Variants in KANSL1L observed in about 807,000 individuals in gnomAD.
KANSL1L encodes KAT8 regulatory NSL complex subunit 1 like.
In KANSL1L, 25 loss-of-function variants were observed where a neutral mutation model predicts 108.6. The ratio of observed to expected loss-of-function variants is 0.23; its 90% CI spans 0.17 to 0.32. The LOEUF is 0.32. KANSL1L is among the 10% of genes least tolerant of loss of function. The pLI is 1.00. For synonymous variants in KANSL1L, 405 were observed against 395.1 expected, an observed-to-expected ratio of 1.03 and a Z score of -0.30; for missense variants, 1,137 against 1,125.7, an observed-to-expected ratio of 1.01 and a Z score of -0.14.
chr2:210,101,173 G>A (rs548583225), intron 4 of KANSL1L, among the ~76,000 whole-genome samples: 1 of 152,250 alleles, frequency 6.6e-6, no homozygotes, highest in African/African-American at 2.4e-5. Context: ...TCAGCAATGA[G>A]ACCTAAAATG....
intron 2 of KANSL1L, among the ~76,000 whole-genome samples, chr2:210,140,890 T>C (rs1045194841): frequency 5.3e-5 from 8 of 152,150 alleles, no homozygotes; most frequent in Non-Finnish European, 7.3e-5. Flanking sequence ...ATGTTAGCAT[T>C]TTAAGTAGGA....
intron 2 of KANSL1L, among the ~76,000 whole-genome samples, chr2:210,136,520 G>T (rs1464966947): frequency 6.6e-6 from 1 of 152,132 alleles, no homozygotes; most frequent in Non-Finnish European, 1.5e-5. Flanking sequence ...ATTTGCTAAA[G>T]AAACAATTTC....
At chr2:210,023,872 T>C (rs1383818592) in intron 14 of KANSL1L, among the ~76,000 whole-genome samples, 161 bp downstream of exon 14, 1 of 152,226 alleles carries the variant, frequency 6.6e-6, no homozygotes, top group Non-Finnish European at 1.5e-5. Flanking sequence ...GTGATTATAG[T>C]TAGTAGTGGA....
chr2:210,165,879 G>A (rs1482374515), intron 1 of KANSL1L, among the ~76,000 whole-genome samples: 2 of 152,154 alleles, frequency 1.3e-5, no homozygotes, highest in Non-Finnish European at 2.9e-5. Context: ...GTACAGTAAG[G>A]TAAGATATTT....
rs182602241 is a variant in KANSL1L at position 210,078,298 on chromosome 2, G to A, written c.1551-2542C>T. Among the ~76,000 whole-genome samples, 72 of 152,140 alleles carry A rather than the reference G, an allele frequency of 4.7e-4. 1 individual carries two copies. The highest frequency in any genetic ancestry group is 1.6e-3 in the African/African-American group (68 of 41,526). ...ACTGTTGTATATGTGGTCCTTCGTT[G>A]ACTAGAAACATCATTATGTGGTGCA... On this transcript the variant is annotated intron_variant, in intron 5 of 14. Transcript: ENST00000281772.
At chr2:210,106,417 C>G (rs2125442766) in intron 3 of KANSL1L, among the ~76,000 whole-genome samples, 1 of 152,192 alleles carries the variant, frequency 6.6e-6, no homozygotes, top group South Asian at 2.1e-4. Context: ...AGAATACTAC[C>G]TTTCTATAAG....
At chr2:210,131,670 A>T (rs1380751698) in intron 2 of KANSL1L, among the ~76,000 whole-genome samples, 1 of 152,086 alleles carries the variant, frequency 6.6e-6, no homozygotes, top group African/African-American at 2.4e-5. Flanking sequence ...AAGTAAACCA[A>T]ATCGCATCGG....
At chr2:210,115,879 A>G (rs2094948961) in intron 3 of KANSL1L, among the ~76,000 whole-genome samples, 1 of 152,246 alleles carries the variant, frequency 6.6e-6, no homozygotes, top group South Asian at 2.1e-4. Flanking sequence ...ACGGCTGAAT[A>G]GAAGCCTCCA....
intron 11 of KANSL1L, 65 bp from the exon 12 acceptor site, chr2:210,027,415 A>G: frequency 9.7e-7 from 1 of 1,036,192 alleles, no homozygotes. Flanking sequence ...TTTTATACTC[A>G]GCACAGCTAA....
At chr2:210,104,022 C>T (rs1372810395) in intron 4 of KANSL1L, 82 bp downstream of exon 4, 2 of 1,063,844 alleles carry the variant, frequency 1.9e-6, no homozygotes, top group Non-Finnish European at 2.9e-6. Context: ...GGAAGATACA[C>T]ATATAATGAT....
In KANSL1L at chr2:210,082,791, A is replaced by G. The variant is rs544556242; in HGVS notation, c.1551-7035T>C. Among the ~76,000 whole-genome samples, 40 of 152,304 alleles carry G rather than the reference A, an allele frequency of 2.6e-4. No homozygotes were observed. In the South Asian group the frequency reaches 8.3e-3, roughly 32 times the overall value. On this transcript the variant is annotated intron_variant, in intron 5 of 14. Coordinates refer to ENST00000281772, the MANE Select transcript of KANSL1L (RefSeq NM_152519.4). ...CACCATTCTCAAATTAAACTACTTAAGTAAAAGTAGAAATAAACTCTGAAG... is the reference window on the plus strand; with the variant it reads ...CACCATTCTCAAATTAAACTACTTAGGTAAAAGTAGAAATAAACTCTGAAG...
At chr2:210,027,207 A>T (rs2093950208) in intron 12 of KANSL1L, 89 bp downstream of exon 12, 1 of 845,118 alleles carries the variant, frequency 1.2e-6, no homozygotes, top group African/African-American at 1.7e-5. Context: ...TAAAGGGCTT[A>T]TATATTCCTT....
intron 1 of KANSL1L, among the ~76,000 whole-genome samples, chr2:210,165,087 G>A (rs1427033828): frequency 2.7e-5 from 4 of 150,480 alleles, no homozygotes; most frequent in African/African-American, 7.3e-5. Flanking sequence ...GGCTGGTCTC[G>A]AACTCCTGAC....
chr2:210,091,652 T>C (rs1231828395), intron 5 of KANSL1L, among the ~76,000 whole-genome samples: 3 of 152,216 alleles, frequency 2.0e-5, no homozygotes, highest in African/African-American at 4.8e-5. Context: ...CAGTGCAATC[T>C]GAATCGATTT....
At chr2:210,082,482 T>C (rs1452322151) in intron 5 of KANSL1L, among the ~76,000 whole-genome samples, 1 of 152,214 alleles carries the variant, frequency 6.6e-6, no homozygotes, top group African/African-American at 2.4e-5. Context: ...TTACTCATAG[T>C]AAGAAGGTCA....
chr2:210,100,360 A>G (rs538244317), intron 4 of KANSL1L, among the ~76,000 whole-genome samples: 1 of 152,336 alleles, frequency 6.6e-6, no homozygotes, highest in South Asian at 2.1e-4. Context: ...CTAAAGTACT[A>G]AAAACAAGGT....
chr2:210,163,261 A>C (rs1160383007), intron 1 of KANSL1L, among the ~76,000 whole-genome samples: 1 of 152,212 alleles, frequency 6.6e-6, no homozygotes, highest in East Asian at 1.9e-4. Flanking sequence ...TAATGGAAAA[A>C]ACAGACAACA....
chr2:210,091,111 G>C (rs888264533), intron 5 of KANSL1L, among the ~76,000 whole-genome samples: 3 of 152,108 alleles, frequency 2.0e-5, no homozygotes, highest in African/African-American at 7.2e-5. Context: ...AGATTTGACA[G>C]ATAAAGGGTA....
chr2:210,134,567 C>G (rs1183126505), intron 2 of KANSL1L, among the ~76,000 whole-genome samples: 2 of 152,036 alleles, frequency 1.3e-5, no homozygotes, highest in African/African-American at 4.8e-5. Context: ...ACTTGCTGTT[C>G]AACTTCATAA....
Sources: gnomAD v4.1 joint callset for allele counts (sites outside exome capture counted in the v4.1 genomes callset) on GRCh38, gnomAD v4.1.1 for gene constraint, MANE v1.5 for transcripts, NCBI Gene and HGNC (gene_info 2026-07-23, HGNC 2026-07-21) for gene names.